The following DLG2 variants were observed in gnomAD, a reference collection of about 807,000 sequenced individuals.
DLG2 encodes disks large homolog 2.
DLG2 carries 45 observed loss-of-function variants against 132.5 expected under a neutral mutation model. The ratio of observed to expected loss-of-function variants is 0.34; its 90% CI spans 0.27 to 0.44. The LOEUF (loss-of-function observed/expected upper bound fraction) is 0.44, where lower values mean the gene tolerates loss of function less well. DLG2 is among the 20% of genes least tolerant of loss of function. The pLI, the probability that DLG2 is intolerant of heterozygous loss-of-function variation, is 1.00. For missense variants in DLG2, 1,045 were observed against 1,196.9 expected, an observed-to-expected ratio of 0.87 and a Z score of 1.87; for synonymous variants, 424 against 419.6, an observed-to-expected ratio of 1.01 and a Z score of -0.13.
intron 3 of DLG2, among the ~76,000 whole-genome samples, chr11:85,503,146 C>A (rs551269034): frequency 1.3e-5 from 2 of 151,986 alleles, no homozygotes; most frequent in Non-Finnish European, 2.9e-5. Context: ...TTTAGGGATA[C>A]CTACAGAGGT....
At chr11:83,927,800 G>A (rs1419177303) in intron 15 of DLG2, among the ~76,000 whole-genome samples, 2 of 152,012 alleles carry the variant, frequency 1.3e-5, no homozygotes, top group African/African-American at 4.8e-5. Flanking sequence ...ATGGGGGCTT[G>A]GATTAAAGTG....
intron 7 of DLG2, among the ~76,000 whole-genome samples, chr11:84,482,455 T>C (rs2099140299): frequency 6.6e-6 from 1 of 152,178 alleles, no homozygotes; most frequent in South Asian, 2.1e-4. Flanking sequence ...GAGAACATTT[T>C]TGAAAACATT....
At chr11:85,164,598 A>C (rs1293181870) in intron 4 of DLG2, among the ~76,000 whole-genome samples, 1 of 152,136 alleles carries the variant, frequency 6.6e-6, no homozygotes, top group African/African-American at 2.4e-5. Context: ...TCAAAACTTT[A>C]ATCTATTTCT....
intron 6 of DLG2, among the ~76,000 whole-genome samples, chr11:84,674,969 G>T (rs923867710): frequency 6.6e-6 from 1 of 152,038 alleles, no homozygotes; most frequent in African/African-American, 2.4e-5. Context: ...TGTATTGTGG[G>T]AAAATCCTGG....
intron 7 of DLG2, among the ~76,000 whole-genome samples, chr11:84,486,051 C>T (rs539803771): frequency 1.3e-5 from 2 of 152,150 alleles, no homozygotes; most frequent in Non-Finnish European, 2.9e-5. Context: ...GGGAGAGACA[C>T]ATATGCCTTT....
intron 3 of DLG2, among the ~76,000 whole-genome samples, chr11:85,335,326 G>C (rs1473574486): frequency 6.6e-6 from 1 of 152,014 alleles, no homozygotes; most frequent in Non-Finnish European, 1.5e-5. Flanking sequence ...TGTGAGACGG[G>C]TCTCTTAAAG....
chr11:85,234,287 T>C (rs571668149), intron 4 of DLG2, among the ~76,000 whole-genome samples: 2 of 152,112 alleles, frequency 1.3e-5, no homozygotes, highest in East Asian at 3.9e-4. Flanking sequence ...AATGTTAATT[T>C]TCTTCCCTTC....
chr11:84,837,331 T>C (rs1420659056), intron 6 of DLG2, among the ~76,000 whole-genome samples: 4 of 151,946 alleles, frequency 2.6e-5, no homozygotes, highest in South Asian at 2.1e-4. Context: ...GTAAATATTA[T>C]GTAAACACCA....
intron 4 of DLG2, among the ~76,000 whole-genome samples, chr11:85,253,632 G>A (rs1360179024): frequency 6.6e-6 from 1 of 152,140 alleles, no homozygotes; most frequent in Non-Finnish European, 1.5e-5. Context: ...GCCATCCATG[G>A]ACAGCTTAAG....
chr11:84,450,952 G>A (rs1024557860), intron 7 of DLG2, among the ~76,000 whole-genome samples: 1 of 151,670 alleles, frequency 6.6e-6, no homozygotes, highest in African/African-American at 2.4e-5. Flanking sequence ...GTGTATAACT[G>A]ATCTGTAATC....
At chr11:84,938,394 T>C (rs1463284922) in intron 6 of DLG2, among the ~76,000 whole-genome samples, 2 of 152,188 alleles carry the variant, frequency 1.3e-5, no homozygotes, top group African/African-American at 2.4e-5. Context: ...TCATAAATTA[T>C]GAATTTAATT....
intron 15 of DLG2, among the ~76,000 whole-genome samples, chr11:83,912,481 T>C (rs1188361530): frequency 1.3e-5 from 2 of 152,096 alleles, no homozygotes; most frequent in Admixed American, 1.3e-4. Flanking sequence ...TGCTAGCTGA[T>C]TTCAAGAGGG....
intron 6 of DLG2, among the ~76,000 whole-genome samples, chr11:85,043,144 G>C (rs932538752): frequency 6.6e-6 from 1 of 151,732 alleles, no homozygotes; most frequent in East Asian, 1.9e-4. Flanking sequence ...CTGTCTTATT[G>C]AACATTTAGG....
intron 3 of DLG2, among the ~76,000 whole-genome samples, chr11:85,550,503 C>T (rs187455337): frequency 1.3e-5 from 2 of 152,264 alleles, no homozygotes; most frequent in South Asian, 2.1e-4. Flanking sequence ...GGGTTTGATC[C>T]CCCTGGTGCC....
intron 6 of DLG2, among the ~76,000 whole-genome samples, chr11:85,034,077 G>T (rs1252330740): frequency 7.3e-6 from 1 of 136,818 alleles, no homozygotes; most frequent in East Asian, 2.1e-4. Context: ...AGATATATTA[G>T]ATTTTTTTTT....
At chr11:84,572,971 C>G (rs2099489310) in intron 6 of DLG2, among the ~76,000 whole-genome samples, 2 of 152,088 alleles carry the variant, frequency 1.3e-5, no homozygotes, top group African/African-American at 4.8e-5. Flanking sequence ...TTGTTTCTGA[C>G]CCAGGAGTCT....
Position 84,733,558 on chromosome 11 carries a change from T to G in DLG2, c.358-198827A>C, listed in dbSNP as rs58780696. On this transcript the variant is annotated intron_variant, in intron 6 of 27. Coordinates refer to ENST00000376104, the MANE Select transcript of DLG2 (RefSeq NM_001142699.3). ...ATTAGTCCCTGGTCAGATGAGTAGA[T>G]TGCAAAAATTTTCTCCCATTCTGTA... is the stretch of plus-strand genomic sequence containing the variant. Among the ~76,000 whole-genome samples the G allele has an allele frequency of 9.1e-3, 1,383 of 152,330 alleles. 11 individuals are homozygous for G. Among genetic ancestry groups the G allele is most frequent in the African/African-American group, 0.012 (501 of 41,580 alleles).
intron 19 of DLG2, chr11:83,632,487 T>C (rs1268066551): frequency 6.6e-6 from 1 of 152,188 alleles, no homozygotes; most frequent in East Asian, 1.9e-4. Flanking sequence ...AAAAGTACAG[T>C]CAGCACTGAT....
At chr11:83,845,976 A>G (rs2058536904) in intron 16 of DLG2, among the ~76,000 whole-genome samples, 2 of 152,264 alleles carry the variant, frequency 1.3e-5, no homozygotes, top group Non-Finnish European at 2.9e-5. Flanking sequence ...CCCTCTAGAA[A>G]GTTATGACCT....
Sources: gnomAD v4.1 joint callset for allele counts (sites outside exome capture counted in the v4.1 genomes callset) on GRCh38, gnomAD v4.1.1 for gene constraint, MANE v1.5 for transcripts, NCBI Gene and HGNC (gene_info 2026-07-23, HGNC 2026-07-21) for gene names.